The following LYPD6B variants were observed in gnomAD, a reference collection of about 807,000 sequenced individuals.
LYPD6B encodes the protein ly6/PLAUR domain-containing protein 6B.
In LYPD6B, 17 loss-of-function variants were observed where a neutral mutation model predicts 22.8. That is an observed-to-expected ratio of 0.75 (90% CI 0.51 to 1.12). LYPD6B has a LOEUF of 1.12. Among genes scored for constraint, LYPD6B ranks in the 50% most tolerant of loss-of-function variants. LYPD6B has a pLI of 0.00. For synonymous variants in LYPD6B, 106 were observed against 91.6 expected, an observed-to-expected ratio of 1.16 and a Z score of -0.90; for missense variants, 221 against 258.3, an observed-to-expected ratio of 0.86 and a Z score of 0.99.
At chr2:149,120,573 C>T (rs1351353276) in intron 1 of LYPD6B, among the ~76,000 whole-genome samples, 9 of 147,722 alleles carry the variant, frequency 6.1e-5, no homozygotes, top group Non-Finnish European at 7.4e-5. Context: ...TTAGTAGAGA[C>T]GGGGTTTCAC....
chr2:149,131,441 G>T (rs921744354), intron 2 of LYPD6B: 1 of 152,052 alleles, frequency 6.6e-6, no homozygotes, highest in Admixed American at 6.6e-5. Context: ...AAAAGACAAG[G>T]GATGAAAAGG....
chr2:149,139,598 T>C (rs930050158), intron 2 of LYPD6B, among the ~76,000 whole-genome samples: 1 of 152,204 alleles, frequency 6.6e-6, no homozygotes, highest in Non-Finnish European at 1.5e-5. Context: ...CTGTTTAAAA[T>C]ATAACAAGCA....
intron 1 of LYPD6B, among the ~76,000 whole-genome samples, chr2:149,099,436 G>GGATCCTTGGTCCCCTCGTACCTAT (rs1434336832): frequency 6.6e-6 from 1 of 151,410 alleles, no homozygotes; most frequent in East Asian, 1.9e-4. Flanking sequence ...CTTGTACCTA[G>GGATCCTTGGTCCCCTCGTACCTAT]GATCCTTGGT....
Position 149,151,510 on chromosome 2 carries a change from G to A in LYPD6B, c.6-9254G>A, listed in dbSNP as rs374420332. Among the ~76,000 whole-genome samples, 12 of 152,276 alleles carry A rather than the reference G, an allele frequency of 7.9e-5. No individual in the cohort carries two copies. The East Asian group carries it at 9.7e-4, about 12-fold the overall frequency. On this transcript the variant is annotated intron_variant, in intron 2 of 6. Coordinates refer to ENST00000409642, the MANE Select transcript of LYPD6B (RefSeq NM_177964.5). ...TCAGTGCCATGCCATATAGGGCTCAGGAGATGCTCTGGAGGTCTAAGTTAT... is the reference window on the plus strand; with the variant it reads ...TCAGTGCCATGCCATATAGGGCTCAAGAGATGCTCTGGAGGTCTAAGTTAT...
intron 1 of LYPD6B, among the ~76,000 whole-genome samples, chr2:149,067,843 A>T (rs1684412561): frequency 6.6e-6 from 1 of 152,200 alleles, no homozygotes; most frequent in Admixed American, 6.5e-5. Flanking sequence ...CACTGGTAGC[A>T]TGTATTCTGT....
At chr2:149,064,217 A>G (rs922452305) in intron 1 of LYPD6B, among the ~76,000 whole-genome samples, 1 of 152,166 alleles carries the variant, frequency 6.6e-6, no homozygotes, top group African/African-American at 2.4e-5. Context: ...CCAATGCTGG[A>G]TATTAAGGTT....
intron 3 of LYPD6B, among the ~76,000 whole-genome samples, chr2:149,177,598 A>G (rs1048435532): frequency 2.0e-5 from 3 of 152,232 alleles, no homozygotes. Context: ...CAACAGCAGG[A>G]TGCTTTGCTT....
intron 3 of LYPD6B, among the ~76,000 whole-genome samples, chr2:149,174,088 C>A (rs1037230430): frequency 2.6e-5 from 4 of 152,114 alleles, no homozygotes; most frequent in Non-Finnish European, 4.4e-5. Context: ...GTTTGTAGTT[C>A]TCATTGAAGA....
intron 1 of LYPD6B, among the ~76,000 whole-genome samples, chr2:149,054,721 A>C (rs1338424684): frequency 3.3e-5 from 5 of 152,140 alleles, no homozygotes; most frequent in African/African-American, 7.2e-5. Flanking sequence ...CAAAAAAGAA[A>C]AAATAAAATT....
intron 3 of LYPD6B, among the ~76,000 whole-genome samples, chr2:149,192,309 G>A (rs1357261797): frequency 6.6e-6 from 1 of 152,120 alleles, no homozygotes; most frequent in East Asian, 1.9e-4. Flanking sequence ...GAAACTAAGA[G>A]AAGTGGCTTC....
chr2:149,182,236 C>A (rs530668017), intron 3 of LYPD6B, among the ~76,000 whole-genome samples: 20 of 152,200 alleles, frequency 1.3e-4, no homozygotes, highest in African/African-American at 4.6e-4. Context: ...CATTTTAATT[C>A]TTTATTATAT....
At chr2:149,065,019 C>T (rs944268560) in intron 1 of LYPD6B, among the ~76,000 whole-genome samples, 1 of 152,210 alleles carries the variant, frequency 6.6e-6, no homozygotes. Context: ...GGCATTGATT[C>T]CCAGAGGACT....
chr2:149,138,537 A>C (rs1688500161), intron 2 of LYPD6B, among the ~76,000 whole-genome samples: 1 of 152,160 alleles, frequency 6.6e-6, no homozygotes. Context: ...TTTTCAGCAG[A>C]GGAGGTTTTC....
chr2:149,197,740 G>A (rs1403145486), intron 3 of LYPD6B, among the ~76,000 whole-genome samples: 1 of 152,192 alleles, frequency 6.6e-6, no homozygotes, highest in Non-Finnish European at 1.5e-5. Flanking sequence ...ATGCACAGCT[G>A]AGTGCTTCGT....
chr2:149,045,909 G>T (rs1273928124), intron 1 of LYPD6B, among the ~76,000 whole-genome samples: 1 of 152,094 alleles, frequency 6.6e-6, no homozygotes, highest in Non-Finnish European at 1.5e-5. Flanking sequence ...AGGTCAAGTT[G>T]CTTGATAGGG....
At chr2:149,143,052 A>G (rs1157250571) in intron 2 of LYPD6B, among the ~76,000 whole-genome samples, 7 of 152,208 alleles carry the variant, frequency 4.6e-5, no homozygotes, top group Non-Finnish European at 8.8e-5. Context: ...TTTACAATTA[A>G]TGAGGCAATA....
intron 2 of LYPD6B, among the ~76,000 whole-genome samples, chr2:149,136,209 C>T (rs539695717): frequency 6.6e-6 from 1 of 152,328 alleles, no homozygotes; most frequent in South Asian, 2.1e-4. Flanking sequence ...GTTTCCTATG[C>T]ATTTAAGTCT....
At chr2:149,205,017 A>G in intron 3 of LYPD6B, 2 of 419,334 alleles carry the variant, frequency 4.8e-6, no homozygotes, top group South Asian at 4.6e-5. Flanking sequence ...TCAAAAGGCC[A>G]TCGAGTGTTC....
At chr2:149,213,484 A>C (rs1307501835) in intron 6 of LYPD6B, among the ~76,000 whole-genome samples, 1 of 152,254 alleles carries the variant, frequency 6.6e-6, no homozygotes, top group African/African-American at 2.4e-5. Context: ...CTGAAGGATT[A>C]GCCTCAGTTT....
Sources: allele counts gnomAD v4.1 joint callset (sites outside exome capture counted in the v4.1 genomes callset), GRCh38; gene constraint gnomAD v4.1.1; transcripts MANE v1.5; gene names NCBI Gene and HGNC (gene_info 2026-07-23, HGNC 2026-07-21).